HOXD3: variants seen among roughly 807,000 people sequenced by gnomAD.
HOXD3 encodes homeobox D3, also known as homeobox protein Hox-D3.
In HOXD3, 13 loss-of-function variants were observed where a neutral mutation model predicts 32.8. That is an observed-to-expected ratio of 0.40 (90% CI 0.26 to 0.63). The LOEUF (loss-of-function observed/expected upper bound fraction) is 0.63. Ranked by LOEUF, HOXD3 falls within the 20% of genes least tolerant of loss-of-function variation. HOXD3 has a pLI of 0.44. For synonymous variants in HOXD3, 241 were observed against 246.8 expected (o/e 0.98, Z 0.22); for missense variants, 504 against 577.1 (o/e 0.87, Z 1.30).
Position 176,169,526 on chromosome 2 carries a change from G to A in HOXD3, c.412G>A (p.Val138Met). The A allele has an allele frequency of 6.2e-7, 1 of 1,614,080 alleles. No individual in the cohort carries two copies. Among genetic ancestry groups the A allele is most frequent in the South Asian group, 1.1e-5 (1 of 91,080 alleles). Residue 138 changes from valine to methionine, a missense_variant, in exon 3 of 4, where the codon GTG (valine) becomes ATG (methionine). Coordinates refer to ENST00000683222, the MANE Select transcript of HOXD3 (RefSeq NM_006898.5). The stretch of plus-strand genomic sequence containing the variant: ...TTCACCCACCAATCCTGGAGGTGGA[G>A]TGCCTGCCAAGAAGCCCAAAGGTGG... ...PSSPTNPGGGVPAKKPKGGPN... is the reference protein window; with the variant it reads ...PSSPTNPGGGMPAKKPKGGPN...
upstream of HOXD3, among the ~76,000 whole-genome samples, chr2:176,154,467 A>G (rs767354143): frequency 1.4e-4 from 22 of 152,250 alleles, no homozygotes; most frequent in Non-Finnish European, 3.1e-4. Context: ...AAAAGTGACC[A>G]AAGTGGGAAA....
chr2:176,163,166 G>T (rs1574980993), intron 1 of HOXD3, among the ~76,000 whole-genome samples: 1 of 152,198 alleles, frequency 6.6e-6, no homozygotes, highest in Non-Finnish European at 1.5e-5. Context: ...GAGTTATTGC[G>T]GTGCGAGCCA....
At chr2:176,166,984 T>C (rs1273659401) in intron 2 of HOXD3, among the ~76,000 whole-genome samples, 6 of 152,114 alleles carry the variant, frequency 3.9e-5, no homozygotes, top group Admixed American at 2.0e-4. Context: ...CAGGGAGAGT[T>C]TCTAGGAAGG....
intron 1 of HOXD3, chr2:176,161,098 A>G (rs563842793): frequency 1.3e-5 from 2 of 152,254 alleles, no homozygotes; most frequent in Non-Finnish European, 2.9e-5. Flanking sequence ...ATTGCATGAC[A>G]AAATGGAAAT....
chr2:176,164,728 G>C (rs1574982265), intron 2 of HOXD3: 1 of 152,202 alleles, frequency 6.6e-6, no homozygotes, highest in South Asian at 2.1e-4. Context: ...GAGAGAAACT[G>C]ACCGCAACCT....
In HOXD3 at chr2:176,171,542, G is replaced by C. The variant is rs779975723; in HGVS notation, c.567G>C (p.Pro189=). The change falls in exon 4 of 4, where the codon CCG becomes CCC. Residue 189 remains proline (P), a synonymous_variant. Transcript: ENST00000683222. ...TAGESCEDKS[P]PGPASKRVRT... ...GAGAGAGCTGCGAGGACAAGAGCCCGCCAGGCCCAGCATCCAAGCGGGTAC... is the reference window on the plus strand; with the variant it reads ...GAGAGAGCTGCGAGGACAAGAGCCCCCCAGGCCCAGCATCCAAGCGGGTAC... 6.3e-7 allele frequency: 1 copy of C among 1,596,196 alleles called. No individual in the cohort carries two copies. Among genetic ancestry groups the C allele is most frequent in the Admixed American group, 1.7e-5 (1 of 59,308 alleles).
rs1690672660 is a variant in HOXD3, at chr2:176,157,435, G to T, written c.-198G>T. Among the ~76,000 whole-genome samples the T allele has an allele frequency of 6.6e-6, 1 of 152,136 alleles. No homozygotes were observed. Among genetic ancestry groups the T allele is most frequent in the Admixed American group, 6.5e-5 (1 of 15,278 alleles). On this transcript the variant is annotated 5_prime_UTR_variant, in exon 1 of 4. Coordinates refer to ENST00000683222, the MANE Select transcript of HOXD3 (RefSeq NM_006898.5). The stretch of plus-strand genomic sequence containing the variant: ...CCTCCACCCCCGGCCCCCGGCGGGC[G>T]CGGGAGCGCGGCCGCAGGTAAATAT...
rs771597443 is a variant in HOXD3, at chr2:176,169,590, A to G, written c.476A>G (p.Gln159Arg). ...AGCTCCTCAGCCACCATCAGCAAGC[A>G]GATCTTCCCCTGGATGAAAGAGTCT... ...ASSSSATISK[Q>R]IFPWMKESRQ... Residue 159 changes from glutamine (Q) to arginine (R), a missense_variant, in exon 3 of 4, where the codon CAG becomes CGG. This residue lies in a region of HOXD3 where 97 missense variants were observed against 158.0 expected (regional missense o/e 0.61). Transcript: ENST00000683222. 4.3e-6 allele frequency: 7 copies of G among 1,613,716 alleles called. No individual in the cohort carries two copies. Among genetic ancestry groups the G allele is most frequent in the Non-Finnish European group, 8.5e-7 (1 of 1,179,864 alleles).
chr2:176,157,131 G>A (rs770982939), upstream of HOXD3, among the ~76,000 whole-genome samples: 6 of 152,282 alleles, frequency 3.9e-5, no homozygotes, highest in Non-Finnish European at 7.4e-5. Flanking sequence ...ATGTTGGGGA[G>A]CCCTCCCTGC....
Position 176,172,371 on chromosome 2 carries a change from C to A in HOXD3, c.*97C>A. 4 of 1,245,712 alleles carry A rather than the reference C, an allele frequency of 3.2e-6. No individual in the cohort carries two copies. The highest frequency in any genetic ancestry group is 4.3e-6 in the Non-Finnish European group (4 of 920,176). The allele number at this position is 1,245,712 out of a possible 1,614,324, so 77.2% of individuals were successfully genotyped here. ...CGCGGGGCAGTTCGGGAACCCCCTT[C>A]CCCGCTCTTGCCCTGCCGCCGCCTC... On this transcript the variant is annotated 3_prime_UTR_variant, in exon 4 of 4. Coordinates refer to ENST00000683222, the MANE Select transcript of HOXD3 (RefSeq NM_006898.5).
At chr2:176,169,799 T>C (rs1691114292) in intron 3 of HOXD3, 144 bp downstream of exon 3, 2 of 1,036,814 alleles carry the variant, frequency 1.9e-6, no homozygotes, top group East Asian at 2.5e-5. Flanking sequence ...TTAGTGTTCC[T>C]GATTGGGGTC....
chr2:176,157,828 C>T (rs952082781), intron 1 of HOXD3, among the ~76,000 whole-genome samples: 23 of 152,074 alleles, frequency 1.5e-4, no homozygotes, highest in Non-Finnish European at 2.6e-4. Flanking sequence ...AAAAACCGGC[C>T]CGGCTGGCGG....
intron 1 of HOXD3, among the ~76,000 whole-genome samples, chr2:176,159,439 T>G (rs1690728889): frequency 6.6e-6 from 1 of 152,188 alleles, no homozygotes; most frequent in Non-Finnish European, 1.5e-5. Context: ...GCTGGGCACT[T>G]TCACCGGTCT....
chr2:176,156,960 T>C (rs1432638761), upstream of HOXD3, among the ~76,000 whole-genome samples: 1 of 152,180 alleles, frequency 6.6e-6, no homozygotes, highest in Admixed American at 6.5e-5. Context: ...CGTCTTCTGC[T>C]TAATGGCTCC....
chr2:176,158,086 C>T (rs1319965532), intron 1 of HOXD3, among the ~76,000 whole-genome samples: 1 of 152,224 alleles, frequency 6.6e-6, no homozygotes, highest in African/African-American at 2.4e-5. Context: ...CCCCGCTCCT[C>T]TCTCCCCACC....
intron 2 of HOXD3, among the ~76,000 whole-genome samples, chr2:176,167,980 G>T (rs1015373744): frequency 2.0e-5 from 3 of 152,080 alleles, no homozygotes; most frequent in African/African-American, 7.2e-5. Context: ...ACAGAAGAAA[G>T]GCTAAATGGA....
chr2:176,152,975 C>T (rs371995881), upstream of HOXD3: 32 of 1,599,970 alleles, frequency 2.0e-5, no homozygotes, highest in Non-Finnish European at 2.7e-5. This position sits in a 1 kb window ranked among gnomAD's most constrained non-coding sequence, Gnocchi z 5.2. Flanking sequence ...TCTCCCTGCG[C>T]ACCAGGCTGA....
At chr2:176,171,417 G>A (rs1199466413) in intron 3 of HOXD3, 100 bp from the exon 4 acceptor site, 36 of 1,089,986 alleles carry the variant, frequency 3.3e-5, no homozygotes, top group Non-Finnish European at 4.1e-5. Flanking sequence ...TGGAGGTGGG[G>A]GGAGGGAGGA....
At chr2:176,152,563 G>C, upstream of HOXD3, 1 of 1,531,446 alleles carries the variant, frequency 6.5e-7, no homozygotes. This position sits in a 1 kb window ranked among gnomAD's most constrained non-coding sequence, Gnocchi z 5.2. Flanking sequence ...GGCCTAACTA[G>C]TGGCCGGGCG....
Sources: allele counts gnomAD v4.1 joint callset (sites outside exome capture counted in the v4.1 genomes callset), GRCh38; gene constraint gnomAD v4.1.1; regional missense constraint gnomAD v4.1.1; non-coding constraint Gnocchi (gnomAD v3.1); transcripts MANE v1.5; gene names NCBI Gene and HGNC (gene_info 2026-07-23, HGNC 2026-07-21).